Variants in EXOC4 observed in about 807,000 individuals in gnomAD.
EXOC4 encodes the protein exocyst complex component 4.
Under a neutral mutation model 107.2 loss-of-function variants are expected in EXOC4, and 71 were observed. The observed-to-expected ratio is 0.66, with a 90% CI of 0.55 to 0.81. The LOEUF is 0.81. Ranked by LOEUF, EXOC4 falls within the 30% of genes least tolerant of loss-of-function variation. The pLI, the probability that EXOC4 is intolerant of heterozygous loss-of-function variation, is 0.00. For synonymous variants in EXOC4, 456 were observed against 441.2 expected (o/e 1.03, Z -0.42); for missense variants, 1,108 against 1,189.6 (o/e 0.93, Z 1.01).
At chr7:133,874,637 A>T (rs556313628) in intron 11 of EXOC4, among the ~76,000 whole-genome samples, 1 of 152,246 alleles carries the variant, frequency 6.6e-6, no homozygotes, top group Non-Finnish European at 1.5e-5. Context: ...AACAATTTGT[A>T]GGGAAACTTG....
At chr7:133,448,411 C>T (rs974709340) in intron 7 of EXOC4, among the ~76,000 whole-genome samples, 3 of 152,076 alleles carry the variant, frequency 2.0e-5, no homozygotes, top group African/African-American at 7.2e-5. Flanking sequence ...AATCCTCTCA[C>T]CTCAGCTACC....
chr7:133,743,366 A>G (rs189505706), intron 10 of EXOC4, among the ~76,000 whole-genome samples: 225 of 152,298 alleles, frequency 1.5e-3, no homozygotes, highest in Non-Finnish European at 2.1e-3. Flanking sequence ...CAAGCAGGAA[A>G]TAAAATTAAG....
chr7:134,043,561 G>A (rs1316262889), intron 17 of EXOC4, among the ~76,000 whole-genome samples: 1 of 152,186 alleles, frequency 6.6e-6, no homozygotes, highest in Non-Finnish European at 1.5e-5. Flanking sequence ...AATCTGGAAA[G>A]GGAGGGACAC....
chr7:134,084,560 A>G, the EXOC4 span, among the ~76,000 whole-genome samples: 1 of 152,130 alleles, frequency 6.6e-6, no homozygotes, highest in Non-Finnish European at 1.5e-5. Flanking sequence ...CCCTTGGATT[A>G]TCTTTGTATC....
intron 15 of EXOC4, among the ~76,000 whole-genome samples, chr7:134,000,991 A>G (rs1170328105): frequency 6.6e-6 from 1 of 152,162 alleles, no homozygotes; most frequent in African/African-American, 2.4e-5. Context: ...AATCCAGCGC[A>G]GTCTGTGTTG....
chr7:133,692,871 A>C (rs1794451360), intron 10 of EXOC4, among the ~76,000 whole-genome samples: 1 of 152,252 alleles, frequency 6.6e-6, no homozygotes, highest in Non-Finnish European at 1.5e-5. Context: ...ATTATTTGCC[A>C]CATGTTCGGT....
chr7:133,455,726 A>G (rs900184118), intron 7 of EXOC4, among the ~76,000 whole-genome samples: 1 of 152,326 alleles, frequency 6.6e-6, no homozygotes, highest in East Asian at 1.9e-4. Flanking sequence ...AACTGCATAT[A>G]TAATATGCAT....
At chr7:133,758,358 CG>C (rs1795961393) in intron 10 of EXOC4, among the ~76,000 whole-genome samples, 1 of 152,084 alleles carries the variant, frequency 6.6e-6, no homozygotes, top group African/African-American at 2.4e-5. Context: ...AGAGTGGTGT[CG>C]AATTCCAGAC....
intron 11 of EXOC4, among the ~76,000 whole-genome samples, chr7:133,848,022 G>C (rs573584234): frequency 2.0e-5 from 3 of 151,568 alleles, no homozygotes; most frequent in African/African-American, 7.3e-5. Context: ...GAGCCACCGC[G>C]CCTGGCCCAG....
In EXOC4 at chr7:133,275,164, T is replaced by G; in HGVS notation, c.269T>G (p.Ile90Arg). 6.3e-7 allele frequency: 1 copy of G among 1,595,060 alleles called. No homozygotes were observed. Residue 90 changes from isoleucine (I) to arginine (R), a missense_variant, in exon 2 of 18, where the codon ATA becomes AGA. Coordinates refer to ENST00000253861, the MANE Select transcript of EXOC4 (RefSeq NM_021807.4). ...CGCATCACTAACTCCCGAAATAAAA[T>G]AAAGCAGGTATTCCTCCTTTCTGGT... Reference protein sequence around the residue: ...TERITNSRNKIKQVKENLLSC... With the variant: ...TERITNSRNKRKQVKENLLSC...
chr7:133,755,302 TTATATATATATTATATATATATAA>T (rs1795889801), intron 10 of EXOC4, among the ~76,000 whole-genome samples: 1 of 119,184 alleles, frequency 8.4e-6, no homozygotes, highest in East Asian at 2.2e-4. Flanking sequence ...ATTATATATA[TTATATATATATTATATATATATAA>T]TATATATATA....
chr7:133,448,948 T>C (rs2150804920), intron 7 of EXOC4, among the ~76,000 whole-genome samples: 1 of 152,176 alleles, frequency 6.6e-6, no homozygotes, highest in Non-Finnish European at 1.5e-5. Context: ...CTACTAAAAA[T>C]ACAAAAATTA....
At chr7:133,863,144 T>C (rs980096529) in intron 11 of EXOC4, among the ~76,000 whole-genome samples, 1 of 152,152 alleles carries the variant, frequency 6.6e-6, no homozygotes, top group African/African-American at 2.4e-5. Flanking sequence ...TTTTTTTCTT[T>C]AAAAAGAAAT....
chr7:134,066,850 G>T (rs1796184258), downstream of EXOC4, among the ~76,000 whole-genome samples: 1 of 152,060 alleles, frequency 6.6e-6, no homozygotes, highest in South Asian at 2.1e-4. Context: ...GTGTGCTATT[G>T]CAGATAAGAA....
At chr7:133,750,780 T>C (rs1426770864) in intron 10 of EXOC4, among the ~76,000 whole-genome samples, 1 of 152,042 alleles carries the variant, frequency 6.6e-6, no homozygotes, top group East Asian at 1.9e-4. Context: ...GGGATCTCCC[T>C]ATGTTGCCCA....
intron 7 of EXOC4, among the ~76,000 whole-genome samples, chr7:133,397,188 G>T (rs1796989032): frequency 6.6e-6 from 1 of 151,398 alleles, no homozygotes; most frequent in African/African-American, 2.4e-5. Context: ...GAGTGCAATG[G>T]CGTGATCTTC....
intron 11 of EXOC4, among the ~76,000 whole-genome samples, chr7:133,871,139 G>A (rs1459807551): frequency 3.3e-5 from 5 of 152,094 alleles, no homozygotes; most frequent in Admixed American, 6.6e-5. Flanking sequence ...GATTATCTAT[G>A]TTCTTCAGGG....
chr7:133,613,319 C>T (rs1295847460), intron 9 of EXOC4, among the ~76,000 whole-genome samples: 1 of 152,132 alleles, frequency 6.6e-6, no homozygotes, highest in East Asian at 1.9e-4. Flanking sequence ...GCATACTGTA[C>T]TATTGCAGCA....
intron 16 of EXOC4, among the ~76,000 whole-genome samples, chr7:134,006,983 G>T (rs1032432370): frequency 4.0e-5 from 6 of 150,320 alleles, no homozygotes; most frequent in Middle Eastern, 3.7e-3. Context: ...AACTACTTGT[G>T]GGGGGGCCCC....
Sources: gnomAD v4.1 joint callset for allele counts (sites outside exome capture counted in the v4.1 genomes callset) on GRCh38, gnomAD v4.1.1 for gene constraint, MANE v1.5 for transcripts, NCBI Gene and HGNC (gene_info 2026-07-23, HGNC 2026-07-21) for gene names.